The following KCNMB2 variants were observed in gnomAD, a reference collection of about 807,000 sequenced individuals.
KCNMB2 encodes the protein potassium calcium-activated channel subfamily M regulatory beta subunit 2.
KCNMB2 carries 9 observed loss-of-function variants against 24.5 expected under a neutral mutation model. The ratio of observed to expected loss-of-function variants is 0.37; its 90% confidence interval spans 0.22 to 0.64. KCNMB2 has a LOEUF of 0.64. Among genes scored for constraint, KCNMB2 ranks in the 30% least tolerant of loss-of-function variants. The pLI is 0.63. For missense variants in KCNMB2, 226 were observed against 284.3 expected, an observed-to-expected ratio of 0.79 and a Z score of 1.47; for synonymous variants, 109 against 104.4, an observed-to-expected ratio of 1.04 and a Z score of -0.27.
chr3:178,585,922 T>A (rs1717413068), intron 1 of KCNMB2, among the ~76,000 whole-genome samples: 1 of 152,182 alleles, frequency 6.6e-6, no homozygotes, highest in Admixed American at 6.5e-5. Context: ...CACACTGCCA[T>A]GTAAGTTTAT....
intron 1 of KCNMB2, among the ~76,000 whole-genome samples, chr3:178,566,209 C>A (rs1370897359): frequency 6.6e-6 from 1 of 152,140 alleles, no homozygotes; most frequent in Non-Finnish European, 1.5e-5. Context: ...TAGTCTATAA[C>A]TTTCTCAGGT....
intron 1 of KCNMB2, among the ~76,000 whole-genome samples, chr3:178,765,643 A>G (rs1380371142): frequency 6.6e-6 from 1 of 152,134 alleles, no homozygotes; most frequent in Non-Finnish European, 1.5e-5. Flanking sequence ...GCGCGTGTGC[A>G]TGTGTGCATG....
intron 1 of KCNMB2, among the ~76,000 whole-genome samples, chr3:178,722,645 G>T (rs551197706): frequency 1.3e-5 from 2 of 152,126 alleles, no homozygotes; most frequent in African/African-American, 4.8e-5. Flanking sequence ...TGTAATCCCA[G>T]CACTTTGGGG....
chr3:178,614,604 C>G (rs185950451), intron 1 of KCNMB2, among the ~76,000 whole-genome samples: 1 of 152,016 alleles, frequency 6.6e-6, no homozygotes, highest in East Asian at 2.0e-4. Flanking sequence ...ATTGTGGGAG[C>G]TACAAGTCAA....
chr3:178,667,383 C>T (rs937558927), intron 1 of KCNMB2, among the ~76,000 whole-genome samples: 1 of 152,040 alleles, frequency 6.6e-6, no homozygotes, highest in Non-Finnish European at 1.5e-5. Flanking sequence ...GGGGTTATGA[C>T]CCTCATAAAA....
At chr3:178,837,256 T>C (rs1236019853) in intron 4 of KCNMB2, among the ~76,000 whole-genome samples, 1 of 152,150 alleles carries the variant, frequency 6.6e-6, no homozygotes, top group Admixed American at 6.5e-5. Context: ...GAAATTCCAA[T>C]AGAAAAACAT....
chr3:178,722,573 G>T (rs536304208), intron 1 of KCNMB2, among the ~76,000 whole-genome samples: 5 of 152,086 alleles, frequency 3.3e-5, no homozygotes, highest in African/African-American at 4.8e-5. Flanking sequence ...TGAGAATTCT[G>T]CCCTCATATA....
At chr3:178,668,446 A>G (rs1720793362) in intron 1 of KCNMB2, among the ~76,000 whole-genome samples, 1 of 152,106 alleles carries the variant, frequency 6.6e-6, no homozygotes, top group Admixed American at 6.6e-5. Flanking sequence ...AGCTGTACAC[A>G]ATGGAGACTG....
chr3:178,617,296 C>T lies in KCNMB2; in HGVS notation c.-68+80585C>T, dbSNP rs184955399. ...AACACAGTCCAGGCGTGGTGGCTCA[C>T]GCCTGTAATCCCAGCACTTTGGGAG... On this transcript the variant is annotated intron_variant, in intron 1 of 4. Transcript: ENST00000452583. 3.1e-3 allele frequency among the ~76,000 whole-genome samples: 475 copies of T among 151,638 alleles called. 4 individuals are homozygous for T. Among genetic ancestry groups the T allele is most frequent in the African/African-American group, 0.01 (428 of 41,338 alleles).
chr3:178,674,706 T>C (rs1177622598), intron 1 of KCNMB2, among the ~76,000 whole-genome samples: 1 of 152,102 alleles, frequency 6.6e-6, no homozygotes, highest in Non-Finnish European at 1.5e-5. Flanking sequence ...GGTTTCCCCC[T>C]TCTTGAAACC....
chr3:178,570,883 A>G (rs1716752566), intron 1 of KCNMB2, among the ~76,000 whole-genome samples: 1 of 152,178 alleles, frequency 6.6e-6, no homozygotes, highest in Non-Finnish European at 1.5e-5. Context: ...CCAAAGTTTT[A>G]TCTGTTTTGC....
At chr3:178,609,273 T>C (rs989214600) in intron 1 of KCNMB2, among the ~76,000 whole-genome samples, 3 of 152,290 alleles carry the variant, frequency 2.0e-5, no homozygotes, top group Non-Finnish European at 4.4e-5. Context: ...CTGTTTGCCC[T>C]TTTTTATGAC....
intron 1 of KCNMB2, among the ~76,000 whole-genome samples, chr3:178,715,378 T>C (rs1405620103): frequency 2.0e-5 from 3 of 151,674 alleles, no homozygotes; most frequent in Non-Finnish European, 4.4e-5. Flanking sequence ...TTTTTTTTTT[T>C]TTTGGTTTCA....
At chr3:178,685,393 T>A (rs1370638665) in intron 1 of KCNMB2, among the ~76,000 whole-genome samples, 5 of 152,250 alleles carry the variant, frequency 3.3e-5, no homozygotes, top group Non-Finnish European at 5.9e-5. Flanking sequence ...TGCTTTTTGA[T>A]AAGATCTTTC....
chr3:178,642,760 T>C (rs909285547), intron 1 of KCNMB2, among the ~76,000 whole-genome samples: 1 of 152,242 alleles, frequency 6.6e-6, no homozygotes, highest in Non-Finnish European at 1.5e-5. Flanking sequence ...AAATTTGGCC[T>C]GATCATGGCA....
chr3:178,819,637 G>A (rs56817518), intron 2 of KCNMB2, among the ~76,000 whole-genome samples: 149,249 of 152,222 alleles, frequency 0.98, 73,173 homozygotes, highest in Middle Eastern at 1. Flanking sequence ...CTTCTTTTCA[G>A]CTTAGCAGAG....
At chr3:178,553,589 T>G (rs1716028850) in intron 1 of KCNMB2, among the ~76,000 whole-genome samples, 1 of 151,538 alleles carries the variant, frequency 6.6e-6, no homozygotes, top group African/African-American at 2.4e-5. Flanking sequence ...TGGAGTGCAG[T>G]GGCACCACCT....
chr3:178,840,217 C>T (rs1010063724), intron 4 of KCNMB2, among the ~76,000 whole-genome samples: 2 of 152,216 alleles, frequency 1.3e-5, no homozygotes, highest in Admixed American at 6.5e-5. Flanking sequence ...CCATGTCTCA[C>T]ATTCGGGGCA....
At chr3:178,759,559 A>G (rs183006322) in intron 1 of KCNMB2, among the ~76,000 whole-genome samples, 1 of 132,548 alleles carries the variant, frequency 7.5e-6, no homozygotes, top group East Asian at 2.3e-4. Context: ...GAGGATATAT[A>G]TATCTCTCTC....
Sources: gnomAD v4.1 joint callset for allele counts (sites outside exome capture counted in the v4.1 genomes callset) on GRCh38, gnomAD v4.1.1 for gene constraint, MANE v1.5 for transcripts, NCBI Gene and HGNC (gene_info 2026-07-23, HGNC 2026-07-21) for gene names.